MBD3: variants seen among roughly 807,000 people sequenced by gnomAD.
MBD3 encodes the protein methyl-CpG-binding domain protein 3.
MBD3 carries 13 observed loss-of-function variants against 31.2 expected under a neutral mutation model. That is an observed-to-expected ratio of 0.42 (90% confidence interval 0.27 to 0.66). The LOEUF (loss-of-function observed/expected upper bound fraction) is 0.66, where lower values mean the gene tolerates loss of function less well. Ranked by LOEUF, MBD3 falls within the 30% of genes least tolerant of loss-of-function variation. MBD3 has a pLI of 0.26. For missense variants in MBD3, 440 were observed against 426.5 expected, an observed-to-expected ratio of 1.03 and a Z score of -0.28; for synonymous variants, 223 against 187.4, an observed-to-expected ratio of 1.19 and a Z score of -1.55.
Position 1,585,393 on chromosome 19 carries a change from C to T in MBD3, c.111-179G>A, listed in dbSNP as rs2060674669. 3.1e-6 allele frequency: 2 copies of T among 637,980 alleles called. No individual in the cohort carries two copies. The highest frequency in any genetic ancestry group is 2.8e-5 in the East Asian group (1 of 35,562). The allele number at this position is 637,980 out of a possible 1,614,324, so 39.5% of individuals were successfully genotyped here. On this transcript the variant is annotated intron_variant, in intron 1 of 6. Coordinates refer to ENST00000434436, the MANE Select transcript of MBD3 (RefSeq NM_001281453.2). This position sits in a 1 kb window ranked among gnomAD's most constrained non-coding sequence, Gnocchi z 4.1. ...CCTGGCCCCAGCCCCAGACCCCAAC[C>T]CTGGCGTGACCCCAGACCTTCATCC...
intron 1 of MBD3, among the ~76,000 whole-genome samples, chr19:1,588,338 G>C (rs1228273559): frequency 6.6e-6 from 1 of 152,108 alleles, no homozygotes; most frequent in Non-Finnish European, 1.5e-5. Flanking sequence ...AAGCTGGTTT[G>C]CCCAGGGCAG....
intron 5 of MBD3, among the ~76,000 whole-genome samples, chr19:1,580,301 G>A (rs1012277955): frequency 2.6e-5 from 4 of 152,170 alleles, no homozygotes; most frequent in African/African-American, 7.2e-5. Context: ...GTGTGCTTGT[G>A]GGGGTGGCGT....
intron 1 of MBD3, among the ~76,000 whole-genome samples, chr19:1,588,027 T>C (rs2060687139): frequency 6.6e-6 from 1 of 152,238 alleles, no homozygotes; most frequent in Admixed American, 6.5e-5. Flanking sequence ...CTGCAGGCAC[T>C]GCACAGAAAT....
intron 1 of MBD3, among the ~76,000 whole-genome samples, chr19:1,588,058 C>G (rs1466699557): frequency 6.6e-6 from 1 of 152,216 alleles, no homozygotes; most frequent in Non-Finnish European, 1.5e-5. Context: ...ATGCTTAGCT[C>G]AATCGCCTCT....
Position 1,577,336 on chromosome 19 carries a change from C to G in MBD3, c.*828G>C, listed in dbSNP as rs1917223522. The G allele has an allele frequency of 6.6e-6, 1 of 152,274 alleles. No individual in the cohort carries two copies. Among genetic ancestry groups the G allele is most frequent in the South Asian group, 2.1e-4 (1 of 4,832 alleles). The allele number at this position is 152,274 out of a possible 1,614,324, so 9.4% of individuals were successfully genotyped here. On this transcript the variant is annotated 3_prime_UTR_variant, in exon 7 of 7. Coordinates refer to ENST00000434436, the MANE Select transcript of MBD3 (RefSeq NM_001281453.2). ...GGGCACCTCGAGGAGCGTCTGGGAGCCTCACCCTGTCCCAGTGGCTCCTGG... is the reference window on the plus strand; with the variant it reads ...GGGCACCTCGAGGAGCGTCTGGGAGGCTCACCCTGTCCCAGTGGCTCCTGG...
chr19:1,584,443 A>T (rs985116054), intron 3 of MBD3, 97 bp downstream of exon 3: 1 of 1,553,624 alleles, frequency 6.4e-7, no homozygotes, highest in East Asian at 2.3e-5. Context: ...TCCTGCGCTC[A>T]CTACGTCCGC....
chr19:1,592,574 C>T lies in MBD3; in HGVS notation c.58G>A (p.Val20Met). Residue 20 changes from valine (V) to methionine (M), a missense_variant, in exon 1 of 7, where the codon GTG (valine) becomes ATG (methionine). This residue lies in a region of MBD3 where 179 missense variants were observed against 134.7 expected (regional missense o/e 1.33). Transcript: ENST00000434436. ...GCCGACAGCCCCGACCTTCTGGGCA[C>T]TTCTTCCCTCTCCCAGCCCTGCGGG... ...ALPQGWEREEVPRRSGLSAGH... is the reference protein window; with the variant it reads ...ALPQGWEREEMPRRSGLSAGH... The T allele has an allele frequency of 2.8e-6, 4 of 1,444,946 alleles. No homozygotes were observed. The highest frequency in any genetic ancestry group is 2.8e-6 in the Non-Finnish European group (3 of 1,077,212). The allele number at this position is 1,444,946 out of a possible 1,614,324, so 89.5% of individuals were successfully genotyped here.
Position 1,592,665 on chromosome 19 carries a change from C to G in MBD3, c.-34G>C. The G allele has an allele frequency of 3.2e-6, 3 of 951,238 alleles. No individual in the cohort carries two copies. Among genetic ancestry groups the G allele is most frequent in the Non-Finnish European group, 4.1e-6 (3 of 739,456 alleles). The allele number at this position is 951,238 out of a possible 1,614,324, so 58.9% of individuals were successfully genotyped here. A position where few individuals can be genotyped will look rare whatever the true frequency, so the allele number is the denominator to read the frequency against. On this transcript the variant is annotated 5_prime_UTR_variant, in exon 1 of 7. Coordinates refer to ENST00000434436, the MANE Select transcript of MBD3 (RefSeq NM_001281453.2). ...GCTCCTCGGCCCGCCGCCGGGCCCG[C>G]CGCCGCCGCCCGGACCCCCACTCGC...
Position 1,581,164 on chromosome 19 carries a change from T to C in MBD3, c.605A>G (p.Lys202Arg). ...ITGQLSAAVE[K>R]NPGVWLNTTQ... ...GGTGTTGAGCCATACGCCGGGGTTC[T>C]TCTCCACGGCGGCCGAGAGCTGTCC... The change falls in exon 5 of 7, where the codon AAG becomes AGG. Residue 202 changes from lysine to arginine, a missense_variant. Lys to Arg is a conservative substitution (Grantham distance 26). Transcript: ENST00000434436. 6.2e-7 allele frequency: 1 copy of C among 1,614,132 alleles called. No individual in the cohort carries two copies. The highest frequency in any genetic ancestry group is 8.5e-7 in the Non-Finnish European group (1 of 1,180,022).
chr19:1,589,365 AAAAG>A (rs1214369941), intron 1 of MBD3, among the ~76,000 whole-genome samples: 2 of 147,206 alleles, frequency 1.4e-5, no homozygotes, highest in African/African-American at 2.5e-5. Context: ...AAAAAAAAAA[AAAAG>A]AAGGCAGGCG....
intron 1 of MBD3, among the ~76,000 whole-genome samples, chr19:1,591,795 G>A (rs1255554900): frequency 3.3e-5 from 5 of 152,036 alleles, no homozygotes. Context: ...GGGGTTCCCT[G>A]CGACCTTTCA....
chr19:1,585,557 TCTGA>T lies in MBD3; in HGVS notation c.111-347_111-344del. On this transcript the variant is annotated intron_variant, in intron 1 of 6. Transcript: ENST00000434436. The surrounding 1 kb of genome is among the most constrained non-coding windows in gnomAD (Gnocchi z 4.1). The stretch of plus-strand genomic sequence containing the variant: ...CTCCAGACCCCCAACCCCGGTCCCC[TCTGA>T]ATCCTCCCCACCGTAGGCCCTGGCA... 3.0e-6 allele frequency: 1 copy of T among 332,812 alleles called. No individual in the cohort carries two copies. Among genetic ancestry groups the T allele is most frequent in the Non-Finnish European group, 5.7e-6 (1 of 175,002 alleles). 20.6% of individuals were successfully genotyped at this position (332,812 alleles called of 1,614,324 possible).
chr19:1,584,810 G>A (rs1022908633), intron 2 of MBD3, 133 bp from the exon 3 acceptor site: 155 of 1,032,216 alleles, frequency 1.5e-4, no homozygotes, highest in Non-Finnish European at 1.8e-4. Flanking sequence ...GGACCCCCAC[G>A]GTCCGGGGAG....
In MBD3 at chr19:1,585,306, G is replaced by A; in HGVS notation, c.111-92C>T. Reference sequence around the variant, plus strand: ...AGACCCAAACCCAGTCCCAGCCCCAGCTTCAGGTCGCGACCCCAGCCCCAG... The same window carrying A: ...AGACCCAAACCCAGTCCCAGCCCCAACTTCAGGTCGCGACCCCAGCCCCAG... On this transcript the variant is annotated intron_variant, in intron 1 of 6. Transcript: ENST00000434436. This position sits in a 1 kb window ranked among gnomAD's most constrained non-coding sequence, Gnocchi z 4.1. 7.1e-7 allele frequency: 1 copy of A among 1,415,436 alleles called. No homozygotes were observed. The allele number at this position is 1,415,436 out of a possible 1,614,324, so 87.7% of individuals were successfully genotyped here.
intron 1 of MBD3, among the ~76,000 whole-genome samples, chr19:1,589,600 C>G (rs1418913683): frequency 6.6e-6 from 1 of 152,128 alleles, no homozygotes; most frequent in Admixed American, 6.6e-5. Flanking sequence ...CTGCAGTCAG[C>G]CGAGATTGCA....
At chr19:1,588,017 C>G (rs748713196) in intron 1 of MBD3, among the ~76,000 whole-genome samples, 2 of 152,230 alleles carry the variant, frequency 1.3e-5, no homozygotes, top group Non-Finnish European at 2.9e-5. Flanking sequence ...AAACTCAATT[C>G]TGCAGGCACT....
At chr19:1,580,307 G>A (rs1917321621) in intron 5 of MBD3, among the ~76,000 whole-genome samples, 2 of 152,310 alleles carry the variant, frequency 1.3e-5, no homozygotes, top group Admixed American at 1.3e-4. Context: ...TTGTGGGGGT[G>A]GCGTCTCAGG....
chr19:1,578,299 A>G lies in MBD3; in HGVS notation c.*5+36T>C. ...TCACCAGGCAGTCCCCACTGCCAGG[A>G]CCCGACTCCAGGGAGCCCCCGTGGC... On this transcript the variant is annotated intron_variant, in intron 6 of 6. Coordinates refer to ENST00000434436, the MANE Select transcript of MBD3 (RefSeq NM_001281453.2). The surrounding 1 kb of genome is among the most constrained non-coding windows in gnomAD (Gnocchi z 6.1). 1 of 1,599,288 alleles carries G rather than the reference A, an allele frequency of 6.3e-7. No homozygotes were observed. The highest frequency in any genetic ancestry group is 8.5e-7 in the Non-Finnish European group (1 of 1,179,548).
chr19:1,578,721 G>T lies in MBD3; in HGVS notation c.678-183C>A, dbSNP rs964604420. 9.9e-5 allele frequency among the ~76,000 whole-genome samples: 15 copies of T among 152,116 alleles called. No homozygotes were observed. Among genetic ancestry groups the T allele is most frequent in the African/African-American group, 3.6e-4 (15 of 41,424 alleles). The stretch of plus-strand genomic sequence containing the variant: ...TCCACGCAGAGAATGACCGGCTGCC[G>T]CTGGCCATCGCCAGCGTCCGCCACC... On this transcript the variant is annotated intron_variant, in intron 5 of 6. Transcript: ENST00000434436. The surrounding 1 kb of genome is among the most constrained non-coding windows in gnomAD (Gnocchi z 6.1).
Sources: gnomAD v4.1 joint callset for allele counts (sites outside exome capture counted in the v4.1 genomes callset) on GRCh38, gnomAD v4.1.1 for gene constraint, gnomAD v4.1.1 regional missense constraint, Gnocchi (gnomAD v3.1) non-coding constraint, MANE v1.5 for transcripts, NCBI Gene and HGNC (gene_info 2026-07-23, HGNC 2026-07-21) for gene names.